Variants in RAP2C observed in about 807,000 individuals in gnomAD.
The protein encoded by RAP2C is RAP2C, member of RAS oncogene family, also known as ras-related protein Rap-2c.
Under a neutral mutation model 8.9 loss-of-function variants are expected in RAP2C, and 3 were observed. That is an observed-to-expected ratio of 0.34 (90% CI 0.15 to 0.87). The LOEUF (loss-of-function observed/expected upper bound fraction) is 0.87, where lower values mean the gene tolerates loss of function less well. Ranked by LOEUF, RAP2C falls within the 40% of genes least tolerant of loss-of-function variation. RAP2C has a pLI of 0.51. For missense variants in RAP2C, 76 were observed against 133.7 expected (o/e 0.57, Z 2.13); for synonymous variants, 60 against 52.1 (o/e 1.15, Z -0.65).
chrX:132,212,832 T>C (rs1421532273), intron 5 of RAP2C, among the ~76,000 whole-genome samples: 1 of 112,305 alleles, frequency 8.9e-6, no homozygotes, highest in African/African-American at 3.2e-5. Context: ...AGCTGGACTA[T>C]GGTCTGAAAA....
rs1445631750 is a variant in RAP2C, at chrX:132,203,256, C to G, written c.*2366G>C. 3 of 111,882 alleles carry G rather than the reference C, an allele frequency of 2.7e-5. No homozygotes were observed. Among genetic ancestry groups the G allele is most frequent in the Non-Finnish European group, 5.7e-5 (3 of 53,093 alleles). 9.2% of individuals were successfully genotyped at this position (111,882 alleles called of 1,213,427 possible). A position where few individuals can be genotyped will look rare whatever the true frequency, so the allele number is the denominator to read the frequency against. On this transcript the variant is annotated 3_prime_UTR_variant, in exon 6 of 6. Transcript: ENST00000370874. ...ACATTATTTTATTTGCAGAGCCCTA[C>G]TGCAGTGATTTGAACAACTCCTAAA...
Position 132,203,250 on chromosome X carries a change from G to T in RAP2C, c.*2372C>A, listed in dbSNP as rs1930170627. 8.9e-6 allele frequency: 1 copy of T among 111,796 alleles called. No individual in the cohort carries two copies. The highest frequency in any genetic ancestry group is 9.6e-5 in the Admixed American group (1 of 10,454). 9.2% of individuals were successfully genotyped at this position (111,796 alleles called of 1,213,427 possible). A position where few individuals can be genotyped will look rare whatever the true frequency, so the allele number is the denominator to read the frequency against. On this transcript the variant is annotated 3_prime_UTR_variant, in exon 6 of 6. Transcript: ENST00000370874. ...TAGGTTACATTATTTTATTTGCAGA[G>T]CCCTACTGCAGTGATTTGAACAACT...
At chrX:132,210,057 T>A (rs1253255406) in intron 5 of RAP2C, among the ~76,000 whole-genome samples, 1 of 111,898 alleles carries the variant, frequency 8.9e-6, no homozygotes, top group Non-Finnish European at 1.9e-5. Context: ...CCATGTGAAC[T>A]GGATGACAGA....
chrX:132,211,907 C>T (rs1427934374), intron 5 of RAP2C, among the ~76,000 whole-genome samples: 1 of 111,303 alleles, frequency 9.0e-6, no homozygotes, highest in Non-Finnish European at 1.9e-5. Flanking sequence ...CTCCATGACT[C>T]AAGCTATAGG....
rs1404840291 is a variant in RAP2C at position 132,217,603 on chromosome X, G to A, written c.-335C>T. The A allele has an allele frequency of 1.1e-5, 2 of 178,080 alleles. No individual in the cohort carries two copies. The highest frequency in any genetic ancestry group is 2.1e-5 in the Non-Finnish European group (2 of 95,132). The allele number at this position is 178,080 out of a possible 1,213,427, so 14.7% of individuals were successfully genotyped here. On this transcript the variant is annotated 5_prime_UTR_variant, in exon 4 of 6. Coordinates refer to ENST00000370874, the MANE Select transcript of RAP2C (RefSeq NM_001271186.2). ...GGAGGGAAAGGGTGGGGGCTGCGGC[G>A]AGGGGACCCTGCGGCGAGGCGGACG...
At chrX:132,218,414 G>T (rs1427377489) in intron 1 of RAP2C, 73 bp from the exon 2 acceptor site, 1 of 108,293 alleles carries the variant, frequency 9.2e-6, no homozygotes, top group Non-Finnish European at 1.9e-5. Context: ...AAGCCCCTCC[G>T]ACCTGCAACC....
intron 5 of RAP2C, among the ~76,000 whole-genome samples, chrX:132,210,554 G>A (rs1302070226): frequency 9.0e-6 from 1 of 111,428 alleles, no homozygotes; most frequent in African/African-American, 3.3e-5. Flanking sequence ...ATGAACTGGG[G>A]CTGACATAAA....
intron 5 of RAP2C, among the ~76,000 whole-genome samples, chrX:132,212,708 T>C (rs1930465395): frequency 8.9e-6 from 1 of 112,257 alleles, no homozygotes; most frequent in African/African-American, 3.2e-5. Flanking sequence ...ATTGTGAAGC[T>C]GGCTTACAAT....
chrX:132,218,125 C>CCCACCT (rs1930715480), intron 2 of RAP2C, 107 bp downstream of exon 2: 1 of 83,241 alleles, frequency 1.2e-5, no homozygotes, highest in African/African-American at 4.2e-5. Flanking sequence ...CACCCCCACC[C>CCCACCT]CCACCCCCAC....
chrX:132,211,666 A>G (rs1930433432), intron 5 of RAP2C, among the ~76,000 whole-genome samples: 1 of 112,297 alleles, frequency 8.9e-6, no homozygotes, highest in South Asian at 3.6e-4. Context: ...GAAAGATGTT[A>G]AGACATAAAT....
chrX:132,217,231 C>T lies in RAP2C; in HGVS notation c.38G>A (p.Gly13Glu). ...CACAGTAAGGGCAGATTTGCCAACC[C>T]CTCCACTCCCTAACACCACTACCTT... ...EYKVVVLGSG[G>E]VGKSALTVQF... The change falls in exon 4 of 6, where the codon GGG (glycine) becomes GAG (glutamate). Residue 13 changes from glycine to glutamate, a missense_variant. Transcript: ENST00000370874. The T allele has an allele frequency of 8.7e-7, 1 of 1,152,861 alleles. No homozygotes were observed. The highest frequency in any genetic ancestry group is 1.2e-6 in the Non-Finnish European group (1 of 864,319).
At position 132,214,443 on chromosome X, in the gene RAP2C, T is replaced by C; in HGVS notation, c.277A>G (p.Ile93Val). ...SLVNQQSFQD[I>V]KPMRDQIVRV... The stretch of plus-strand genomic sequence containing the variant: ...ACAATTTGATCTCTCATTGGCTTGA[T>C]ATCCTATTCAAGCAATCACAAAGAG... Residue 93 changes from isoleucine (I) to valine (V), a missense_variant, in exon 5 of 6, where the codon ATC (isoleucine) becomes GTC (valine). Physicochemically the swap from Ile to Val is conservative, Grantham distance 29. Coordinates refer to ENST00000370874, the MANE Select transcript of RAP2C (RefSeq NM_001271186.2). 8.3e-7 allele frequency: 1 copy of C among 1,204,797 alleles called. No homozygotes were observed. The highest frequency in any genetic ancestry group is 1.1e-6 in the Non-Finnish European group (1 of 891,410).
intron 5 of RAP2C, among the ~76,000 whole-genome samples, chrX:132,212,985 C>G (rs1930472724): frequency 8.9e-6 from 1 of 112,260 alleles, no homozygotes; most frequent in African/African-American, 3.2e-5. Flanking sequence ...ATGACACTAT[C>G]TGACAGGAGA....
rs1930184852 is a variant in RAP2C at position 132,203,550 on chromosome X, A to T, written c.*2072T>A. 9.9e-6 allele frequency: 1 copy of T among 101,266 alleles called. No individual in the cohort carries two copies. The highest frequency in any genetic ancestry group is 3.9e-5 in the African/African-American group (1 of 25,931). The allele number at this position is 101,266 out of a possible 1,213,427, so 8.3% of individuals were successfully genotyped here. A position where few individuals can be genotyped will look rare whatever the true frequency, so the allele number is the denominator to read the frequency against. On this transcript the variant is annotated 3_prime_UTR_variant, in exon 6 of 6. Coordinates refer to ENST00000370874, the MANE Select transcript of RAP2C (RefSeq NM_001271186.2). ...GAGAGAGAGAGAGAGAGAGAGAGAGAGAGAGAGAGAGAAACAAGAACACAA... is the reference window on the plus strand; with the variant it reads ...GAGAGAGAGAGAGAGAGAGAGAGAGTGAGAGAGAGAGAAACAAGAACACAA...
In RAP2C at chrX:132,203,103, T is replaced by C. The variant is rs778778264; in HGVS notation, c.*2519A>G. The C allele has an allele frequency of 7.1e-5, 8 of 112,176 alleles. No individual in the cohort carries two copies. The East Asian group carries it at 2.0e-3, about 27-fold the overall frequency. The allele number at this position is 112,176 out of a possible 1,213,427, so 9.2% of individuals were successfully genotyped here. On this transcript the variant is annotated 3_prime_UTR_variant, in exon 6 of 6. Transcript: ENST00000370874. ...GGGTCGTCTTACAAAATGACAAGAA[T>C]GAAATCTATTGGAAAAATTTTACTT...
In RAP2C at chrX:132,217,406, G is replaced by A; in HGVS notation, c.-138C>T. On this transcript the variant is annotated 5_prime_UTR_variant, in exon 4 of 6. Transcript: ENST00000370874. ...TGCAGAGGAGCAGAGGGCCCAACCG[G>A]GGAAGAAGAGGAAGTTACAGGAGGG... The A allele has an allele frequency of 2.1e-6, 1 of 471,848 alleles. No homozygotes were observed. The highest frequency in any genetic ancestry group is 3.2e-6 in the Non-Finnish European group (1 of 308,664). 38.9% of individuals were successfully genotyped at this position (471,848 alleles called of 1,213,427 possible).
At position 132,203,363 on chromosome X, in the gene RAP2C, G is replaced by T. The variant is rs185456953; in HGVS notation, c.*2259C>A. On this transcript the variant is annotated 3_prime_UTR_variant, in exon 6 of 6. Coordinates refer to ENST00000370874, the MANE Select transcript of RAP2C (RefSeq NM_001271186.2). ...AATAAGCAACATGCAATCTATTGAG[G>T]AAGCTAAAATAACTTTTGGTCCCTT... is the stretch of plus-strand genomic sequence containing the variant. The T allele has an allele frequency of 9.0e-6, 1 of 111,323 alleles. No homozygotes were observed. The highest frequency in any genetic ancestry group is 1.9e-5 in the Non-Finnish European group (1 of 52,955). The allele number at this position is 111,323 out of a possible 1,213,427, so 9.2% of individuals were successfully genotyped here. A position where few individuals can be genotyped will look rare whatever the true frequency, so the allele number is the denominator to read the frequency against.
chrX:132,210,347 A>T (rs1930394081), intron 5 of RAP2C, among the ~76,000 whole-genome samples: 1 of 112,302 alleles, frequency 8.9e-6, no homozygotes, highest in South Asian at 3.6e-4. Context: ...TCTATATTTT[A>T]TTTTAAAAAA....
At chrX:132,209,670 G>C (rs537426854) in intron 5 of RAP2C, among the ~76,000 whole-genome samples, 4 of 112,003 alleles carry the variant, frequency 3.6e-5, no homozygotes, top group African/African-American at 1.3e-4. Context: ...TAATTCTACT[G>C]ATAGTTCATT....
Sources: allele counts gnomAD v4.1 joint callset (sites outside exome capture counted in the v4.1 genomes callset), GRCh38; gene constraint gnomAD v4.1.1; transcripts MANE v1.5; gene names NCBI Gene and HGNC (gene_info 2026-07-23, HGNC 2026-07-21).